The following ADSL variants were observed in gnomAD, a reference collection of about 807,000 sequenced individuals.
ADSL encodes adenylosuccinate lyase.
In ADSL, 44 loss-of-function variants were observed where a neutral mutation model predicts 62.1. The observed-to-expected ratio is 0.71, with a 90% confidence interval of 0.56 to 0.91. The LOEUF (loss-of-function observed/expected upper bound fraction) is 0.91. Among genes scored for constraint, ADSL ranks in the 40% least tolerant of loss-of-function variants. The probability of loss-of-function intolerance (pLI) is 0.00; values close to 1 mark genes in which losing one functional copy is unlikely to be tolerated. For synonymous variants in ADSL, 198 were observed against 220.5 expected (o/e 0.90, Z 0.90); for missense variants, 531 against 627.4 (o/e 0.85, Z 1.64).
intron 2 of ADSL, among the ~76,000 whole-genome samples, chr22:40,375,660 CAG>C (rs1449561143): frequency 2.1e-5 from 3 of 140,794 alleles, no homozygotes; most frequent in Non-Finnish European, 4.7e-5. Flanking sequence ...CCAATTAAGA[CAG>C]AGAATTTTTT....
chr22:40,349,895 G>A lies in ADSL; in HGVS notation c.217G>A (p.Asp73Asn), dbSNP rs745787396. 21 of 1,614,088 alleles carry A rather than the reference G, an allele frequency of 1.3e-5. No homozygotes were observed. Among genetic ancestry groups the A allele is most frequent in the East Asian group, 2.2e-5 (1 of 44,890 alleles). ...GATGAAATCAAACCTGGAGAACATC[G>A]ACTTCAAGATGGCAGCTGAGGAAGA... Reference protein sequence around the residue: ...QEMKSNLENIDFKMAAEEEKR... With the variant: ...QEMKSNLENINFKMAAEEEKR... The change falls in exon 2 of 13, where the codon GAC becomes AAC. Residue 73 changes from aspartate (D) to asparagine (N), a missense_variant. Coordinates refer to ENST00000623063, the MANE Select transcript of ADSL (RefSeq NM_000026.4).
chr22:40,377,611 G>A (rs543479292), intron 2 of ADSL, among the ~76,000 whole-genome samples: 7 of 152,258 alleles, frequency 4.6e-5, no homozygotes, highest in Non-Finnish European at 7.4e-5. Flanking sequence ...CAAGGCAGGC[G>A]GATCCATTGG....
chr22:40,384,519 G>A (rs772030993), intron 2 of ADSL, among the ~76,000 whole-genome samples: 2 of 152,156 alleles, frequency 1.3e-5, no homozygotes, highest in African/African-American at 2.4e-5. Flanking sequence ...GGTGGCTCAC[G>A]CCTGTAATCC....
chr22:40,370,058 G>A (rs2045159270), downstream of ADSL, among the ~76,000 whole-genome samples: 1 of 152,106 alleles, frequency 6.6e-6, no homozygotes, highest in African/African-American at 2.4e-5. Context: ...TTCGTTTTCC[G>A]GCCTGGCGCG....
intron 9 of ADSL, 58 bp from the exon 10 acceptor site, chr22:40,362,923 C>T: frequency 4.1e-6 from 6 of 1,472,412 alleles, no homozygotes; most frequent in Non-Finnish European, 5.7e-6. Context: ...GGGACACACA[C>T]TGCATTTCAC....
At chr22:40,377,221 C>T (rs1261140376) in intron 2 of ADSL, among the ~76,000 whole-genome samples, 1 of 152,204 alleles carries the variant, frequency 6.6e-6, no homozygotes, top group Non-Finnish European at 1.5e-5. Flanking sequence ...GCACATGGCC[C>T]AGGTCAGGCC....
At chr22:40,371,734 T>C (rs6001890), downstream of ADSL, among the ~76,000 whole-genome samples, 19 of 151,858 alleles carry the variant, frequency 1.3e-4, no homozygotes, top group African/African-American at 4.6e-4. Context: ...AGTTTCGCTC[T>C]TGCCCGGGCT....
chr22:40,377,258 T>C (rs1159612368), intron 2 of ADSL, among the ~76,000 whole-genome samples: 1 of 152,186 alleles, frequency 6.6e-6, no homozygotes, highest in African/African-American at 2.4e-5. Context: ...ATAGATGCTT[T>C]CCTCCTTTAA....
At chr22:40,365,112 T>C in intron 12 of ADSL, 56 bp downstream of exon 12, 1 of 1,552,540 alleles carries the variant, frequency 6.4e-7, no homozygotes, top group Non-Finnish European at 8.9e-7. Context: ...GGTACTCTCT[T>C]TGATGTTTTT....
downstream of ADSL, chr22:40,370,737 C>T (rs1195705405): frequency 6.6e-6 from 1 of 152,646 alleles, no homozygotes; most frequent in Non-Finnish European, 1.5e-5. Context: ...CCTACAAGTT[C>T]CCCTCAGGCG....
At chr22:40,361,741 C>A in intron 9 of ADSL, 106 bp downstream of exon 9, 1 of 1,450,402 alleles carries the variant, frequency 6.9e-7, no homozygotes, top group South Asian at 1.2e-5. Flanking sequence ...TCCTTATCCC[C>A]AAGGATCCCA....
intron 4 of ADSL, among the ~76,000 whole-genome samples, chr22:40,356,529 C>T (rs1433337321): frequency 2.7e-5 from 4 of 146,496 alleles, no homozygotes; most frequent in African/African-American, 7.7e-5. Context: ...AGTGAAATTC[C>T]GTCTCCAAAA....
chr22:40,361,332 A>T lies in ADSL; in HGVS notation c.852A>T (p.Lys284Asn). Residue 284 changes from lysine to asparagine, a missense_variant, in exon 8 of 13, where the codon AAA becomes AAT. Lys to Asn is a moderately conservative substitution (Grantham distance 94). Around this residue, in one of 2 missense-constraint regions of ADSL, gnomAD observed 471 missense variants for 592.9 expected, o/e 0.79. Coordinates refer to ENST00000623063, the MANE Select transcript of ADSL (RefSeq NM_000026.4). Reference sequence around the variant, plus strand: ...AGGAGATGGAGGAACCCTTTGAAAAACAGCAGATTGGTGAGTGCTGTGTAG... The same window carrying T: ...AGGAGATGGAGGAACCCTTTGAAAATCAGCAGATTGGTGAGTGCTGTGTAG... ...NLKEMEEPFEKQQIGSSAMPY... is the reference protein window; with the variant it reads ...NLKEMEEPFENQQIGSSAMPY... 1 of 1,614,130 alleles carries T rather than the reference A, an allele frequency of 6.2e-7. No individual in the cohort carries two copies. The highest frequency in any genetic ancestry group is 8.5e-7 in the Non-Finnish European group (1 of 1,180,014).
chr22:40,364,361 G>A lies in ADSL; in HGVS notation c.1187G>A (p.Arg396His), dbSNP rs763542069. The stretch of plus-strand genomic sequence containing the variant: ...GCCATGGTCAAAGCTGGAGGTAGCC[G>A]CCAGGTTTGTAACCCCTCATGTTCC... Reference protein sequence around the residue: ...IMAMVKAGGSRQDCHEKIRVL... With the variant: ...IMAMVKAGGSHQDCHEKIRVL... The change falls in exon 11 of 13, where the codon CGC becomes CAC. Residue 396 changes from arginine to histidine, a missense_variant. This residue lies in a region of ADSL where 471 missense variants were observed against 592.9 expected (regional missense o/e 0.79). Coordinates refer to ENST00000623063, the MANE Select transcript of ADSL (RefSeq NM_000026.4). 2.5e-5 allele frequency: 41 copies of A among 1,613,326 alleles called. No homozygotes were observed. In the East Asian group the frequency reaches 3.1e-4, roughly 12 times the overall value.
At chr22:40,373,476 T>A (rs932115610), downstream of ADSL, 2 of 152,162 alleles carry the variant, frequency 1.3e-5, no homozygotes, top group African/African-American at 4.8e-5. Context: ...ATTGAATATC[T>A]ACTGTGTATA....
chr22:40,354,299 C>T lies in ADSL; in HGVS notation c.454C>T (p.Leu152=), dbSNP rs1233863394. Residue 152 remains leucine, a synonymous_variant, in exon 4 of 13, where the codon CTA becomes TTA. Coordinates refer to ENST00000623063, the MANE Select transcript of ADSL (RefSeq NM_000026.4). ...LADFAKERAS[L]PTLGFTHFQP... is the part of the protein sequence containing the mutation. ...CGACTTTGCTAAGGAACGAGCCAGTCTACCCACATTAGGTTTCACACATTT... is the reference window on the plus strand; with the variant it reads ...CGACTTTGCTAAGGAACGAGCCAGTTTACCCACATTAGGTTTCACACATTT... 1 of 1,614,156 alleles carries T rather than the reference C, an allele frequency of 6.2e-7. No individual in the cohort carries two copies. Among genetic ancestry groups the T allele is most frequent in the Admixed American group, 1.7e-5 (1 of 60,022 alleles).
Position 40,366,663 on chromosome 22 carries a change from C to G in ADSL, c.*141C>G. On this transcript the variant is annotated 3_prime_UTR_variant, in exon 13 of 13. Coordinates refer to ENST00000623063, the MANE Select transcript of ADSL (RefSeq NM_000026.4). ...TTCTTCCCATGGTGCTTTCCTGTTT[C>G]TCAGTCTCACATTTCTCAACAAGGC... The G allele has an allele frequency of 1.4e-6, 1 of 692,872 alleles. No individual in the cohort carries two copies. The allele number at this position is 692,872 out of a possible 1,614,324, so 42.9% of individuals were successfully genotyped here.
intron 2 of ADSL, among the ~76,000 whole-genome samples, chr22:40,375,346 G>A (rs942400702): frequency 6.6e-6 from 1 of 152,158 alleles, no homozygotes; most frequent in East Asian, 1.9e-4. Context: ...TTGGGAGGCC[G>A]AGGTAGGCGG....
At position 40,348,497 on chromosome 22, in the gene ADSL, C is replaced by T. The variant is rs568174193; in HGVS notation, c.154-1335C>T. On this transcript the variant is annotated intron_variant, in intron 1 of 12. Transcript: ENST00000623063. ...ATCCTGGGCTCAAGCTGTCCTCTCA[C>T]CTCAGCCTCCCAAGCTGGAACTAGA... 3.3e-5 allele frequency: 13 copies of T among 398,716 alleles called. No homozygotes were observed. The South Asian group carries it at 7.6e-4, about 23-fold the overall frequency. The allele number at this position is 398,716 out of a possible 1,614,324, so 24.7% of individuals were successfully genotyped here. A position where few individuals can be genotyped will look rare whatever the true frequency, so the allele number is the denominator to read the frequency against.
Sources: gnomAD v4.1 joint callset for allele counts (sites outside exome capture counted in the v4.1 genomes callset) on GRCh38, gnomAD v4.1.1 for gene constraint, gnomAD v4.1.1 regional missense constraint, MANE v1.5 for transcripts, NCBI Gene and HGNC (gene_info 2026-07-23, HGNC 2026-07-21) for gene names.